The following DPF3 variants were observed in gnomAD, a reference collection of about 807,000 sequenced individuals.
The protein encoded by DPF3 is zinc finger protein DPF3.
Under a neutral mutation model 56.8 loss-of-function variants are expected in DPF3, and 18 were observed. The observed-to-expected ratio is 0.32, with a 90% confidence interval of 0.22 to 0.47. The LOEUF (loss-of-function observed/expected upper bound fraction) is 0.47, where lower values mean the gene tolerates loss of function less well. Among genes scored for constraint, DPF3 ranks in the 20% least tolerant of loss-of-function variants. The pLI is 1.00. For missense variants in DPF3, 403 were observed against 488.8 expected (o/e 0.82, Z 1.65); for synonymous variants, 188 against 180.2 (o/e 1.04, Z -0.35).
At chr14:72,667,643 T>C (rs980948481) in intron 8 of DPF3, among the ~76,000 whole-genome samples, 1 of 152,198 alleles carries the variant, frequency 6.6e-6, no homozygotes, top group Admixed American at 6.5e-5. Flanking sequence ...TCTTTGTACA[T>C]TGTCTAGAAG....
At chr14:72,664,449 G>C (rs1395135390) in intron 8 of DPF3, among the ~76,000 whole-genome samples, 1 of 152,002 alleles carries the variant, frequency 6.6e-6, no homozygotes, top group African/African-American at 2.4e-5. Context: ...CCTCTGGTCA[G>C]GTCAACTGCA....
At chr14:72,822,638 C>T (rs1325854349) in intron 1 of DPF3, among the ~76,000 whole-genome samples, 1 of 152,076 alleles carries the variant, frequency 6.6e-6, no homozygotes, top group Non-Finnish European at 1.5e-5. Context: ...CTCTCAATTA[C>T]TTTCTGTAGT....
At chr14:72,795,274 T>A (rs1892591636) in intron 1 of DPF3, among the ~76,000 whole-genome samples, 1 of 38,198 alleles carries the variant, frequency 2.6e-5, no homozygotes, top group Non-Finnish European at 5.5e-5. Flanking sequence ...GTCCTCTTTT[T>A]GACAAAAAAA....
chr14:72,756,955 GGGA>G (rs1567223126), intron 2 of DPF3, among the ~76,000 whole-genome samples: 87 of 106,592 alleles, frequency 8.2e-4, no homozygotes, highest in Non-Finnish European at 1.4e-3. Context: ...GAAAGGGAGA[GGGA>G]AAGAGGGGGA....
At chr14:72,651,244 G>A (rs947108985) in intron 8 of DPF3, among the ~76,000 whole-genome samples, 9 of 152,202 alleles carry the variant, frequency 5.9e-5, no homozygotes, top group African/African-American at 2.2e-4. Flanking sequence ...GTGCTCCGGG[G>A]CTGCTCCTTC....
chr14:72,707,866 G>T (rs1206120847), intron 6 of DPF3, among the ~76,000 whole-genome samples: 2 of 151,556 alleles, frequency 1.3e-5, no homozygotes, highest in African/African-American at 4.9e-5. Flanking sequence ...GAGTGCAATG[G>T]CGCAAGCTCA....
chr14:72,797,433 T>C (rs1320466314), intron 1 of DPF3, among the ~76,000 whole-genome samples: 1 of 152,224 alleles, frequency 6.6e-6, no homozygotes, highest in Non-Finnish European at 1.5e-5. Flanking sequence ...GGAGTCAATG[T>C]CTCATTCATC....
intron 1 of DPF3, among the ~76,000 whole-genome samples, chr14:72,824,694 C>T (rs1357873576): frequency 6.6e-6 from 1 of 151,868 alleles, no homozygotes; most frequent in Admixed American, 6.6e-5. Flanking sequence ...TCCTCAGTCT[C>T]CCAAGTGGCT....
rs1488994961 is a variant in DPF3 at position 72,629,702 on chromosome 14, C to T, written c.906G>A (p.Met302Ile). Residue 302 changes from methionine (M) to isoleucine (I), a missense_variant, in exon 9 of 11, where the codon ATG becomes ATA. Met to Ile is a conservative substitution (Grantham distance 10). Around this residue, in one of 2 missense-constraint regions of DPF3, gnomAD observed 63 missense variants for 114.4 expected, o/e 0.55. Coordinates refer to ENST00000556509, the MANE Select transcript of DPF3 (RefSeq NM_001280542.3). ...HPTCLQFTLNMTEAVKTYKWQ... is the reference protein window; with the variant it reads ...HPTCLQFTLNITEAVKTYKWQ... ...ACTTGTAGGTCTTGACAGCCTCGGT[C>T]ATGTTCAGGGTAAACTGCAGGCAGG... 4 of 1,535,982 alleles carry T rather than the reference C, an allele frequency of 2.6e-6. No homozygotes were observed. In the African/African-American group the frequency reaches 5.5e-5, roughly 21 times the overall value.
intron 1 of DPF3, among the ~76,000 whole-genome samples, chr14:72,792,089 A>G (rs956380759): frequency 6.0e-5 from 8 of 132,600 alleles, no homozygotes; most frequent in East Asian, 2.5e-4. Flanking sequence ...CATGCCCCCC[A>G]CCCCCGCCCC....
chr14:72,821,345 G>C (rs1341842509), intron 1 of DPF3, among the ~76,000 whole-genome samples: 1 of 152,050 alleles, frequency 6.6e-6, no homozygotes, highest in Admixed American at 6.5e-5. Flanking sequence ...CACTTAACAA[G>C]GTAGAGGCAG....
At chr14:72,741,357 A>C (rs1421042877) in intron 3 of DPF3, among the ~76,000 whole-genome samples, 1 of 152,234 alleles carries the variant, frequency 6.6e-6, no homozygotes, top group East Asian at 1.9e-4. Context: ...AAATTGTCCA[A>C]AATCACACAG....
At chr14:72,811,353 T>C (rs2140018145) in intron 1 of DPF3, among the ~76,000 whole-genome samples, 1 of 152,200 alleles carries the variant, frequency 6.6e-6, no homozygotes, top group African/African-American at 2.4e-5. Flanking sequence ...GAGATTGGGG[T>C]GATGTGCCTA....
Position 72,629,662 on chromosome 14 carries a change from ACTC to A in DPF3, c.943_945del (p.Glu315del). ...GTCCCACAGAGGATACAGGATTTGC[ACTC>A]TATGCACTGCCACTTGTAGGTCTTG... On this transcript the variant is annotated inframe_deletion, in exon 9 of 11. Coordinates refer to ENST00000556509, the MANE Select transcript of DPF3 (RefSeq NM_001280542.3). 1 of 1,536,018 alleles carries A rather than the reference ACTC, an allele frequency of 6.5e-7. No homozygotes were observed. The highest frequency in any genetic ancestry group is 8.7e-7 in the Non-Finnish European group (1 of 1,146,868).
chr14:72,760,074 C>T (rs968201211), intron 2 of DPF3, among the ~76,000 whole-genome samples: 59 of 152,126 alleles, frequency 3.9e-4, no homozygotes, highest in Admixed American at 1.1e-3. Flanking sequence ...TGGATCTACA[C>T]AAAGGAATGA....
At chr14:72,834,494 C>CAAAAAAAAAAAAAAA (rs375709642) in intron 1 of DPF3, among the ~76,000 whole-genome samples, 1 of 91,434 alleles carries the variant, frequency 1.1e-5, no homozygotes, top group Non-Finnish European at 2.1e-5. Flanking sequence ...GAGACTGTCT[C>CAAAAAAAAAAAAAAA]AAAAAAAAAA....
At chr14:72,749,869 G>GAA (rs11381729) in intron 3 of DPF3, among the ~76,000 whole-genome samples, 54 of 149,472 alleles carry the variant, frequency 3.6e-4, no homozygotes, top group Non-Finnish European at 6.2e-4. Context: ...GAAAAGAAAA[G>GAA]AAAAAAAAGT....
chr14:72,868,734 G>A (rs900048103), intron 1 of DPF3, among the ~76,000 whole-genome samples: 7 of 152,142 alleles, frequency 4.6e-5, no homozygotes, highest in Admixed American at 2.0e-4. Flanking sequence ...AGGAAGGAGC[G>A]AGGCAGTTAA....
chr14:72,695,351 G>A, intron 6 of DPF3, among the ~76,000 whole-genome samples: 1 of 152,174 alleles, frequency 6.6e-6, no homozygotes, highest in East Asian at 1.9e-4. Flanking sequence ...CTTAGGTACT[G>A]GATCTTCCTG....
Sources: allele counts gnomAD v4.1 joint callset (sites outside exome capture counted in the v4.1 genomes callset), GRCh38; gene constraint gnomAD v4.1.1; regional missense constraint gnomAD v4.1.1; transcripts MANE v1.5; gene names NCBI Gene and HGNC (gene_info 2026-07-23, HGNC 2026-07-21).